Variants in R3HDM1 observed in about 807,000 individuals in gnomAD.
The protein encoded by R3HDM1 is R3H domain containing 1.
A neutral mutation model predicts 141.1 loss-of-function variants in R3HDM1; 46 were observed. That is an observed-to-expected ratio of 0.33 (90% confidence interval 0.26 to 0.42). The LOEUF is 0.42. R3HDM1 is among the 10% of genes least tolerant of loss of function. R3HDM1 has a pLI of 1.00. For missense variants in R3HDM1, 1,184 were observed against 1,368.3 expected (o/e 0.87, Z 2.12); for synonymous variants, 435 against 472.9 (o/e 0.92, Z 1.04).
At chr2:135,600,606 A>G (rs1330085442) in intron 1 of R3HDM1, among the ~76,000 whole-genome samples, 3 of 152,228 alleles carry the variant, frequency 2.0e-5, no homozygotes, top group Non-Finnish European at 4.4e-5. Context: ...TAACTGGCAG[A>G]GCTGGGATTT....
Position 135,661,256 on chromosome 2 carries a change from A to G in R3HDM1, c.2029-14A>G, listed in dbSNP as rs780949773. ...AGTAAAATTGATTTTTTCCCGCAATATTTATGATCCTAGATGCCAGCCTGT... is the reference window on the plus strand; with the variant it reads ...AGTAAAATTGATTTTTTCCCGCAATGTTTATGATCCTAGATGCCAGCCTGT... On this transcript the variant is annotated splice_polypyrimidine_tract_variant and intron_variant, in intron 18 of 26. Coordinates refer to ENST00000683871, the MANE Select transcript of R3HDM1 (RefSeq NM_001378107.1). The G allele has an allele frequency of 1.9e-6, 3 of 1,613,600 alleles. No individual in the cohort carries two copies. The highest frequency in any genetic ancestry group is 2.2e-5 in the South Asian group (2 of 90,954).
intron 23 of R3HDM1, among the ~76,000 whole-genome samples, chr2:135,714,265 G>A (rs2075954037): frequency 6.6e-6 from 1 of 152,162 alleles, no homozygotes; most frequent in Middle Eastern, 3.2e-3. Flanking sequence ...CATTGAGAAG[G>A]ACACATTACT....
intron 18 of R3HDM1, among the ~76,000 whole-genome samples, chr2:135,660,017 G>A (rs2066486904): frequency 2.0e-5 from 3 of 152,128 alleles, no homozygotes; most frequent in Non-Finnish European, 4.4e-5. Flanking sequence ...GACTGTATGA[G>A]AAAAATTAAA....
intron 1 of R3HDM1, among the ~76,000 whole-genome samples, chr2:135,601,964 C>CTT (rs755867675): frequency 7.4e-5 from 8 of 108,004 alleles, no homozygotes; most frequent in South Asian, 3.3e-4. Context: ...ACCCAGCCAA[C>CTT]TTTTTTTTTT....
At chr2:135,680,418 C>G (rs2070062713) in intron 21 of R3HDM1, 94 bp downstream of exon 21, 2 of 1,335,432 alleles carry the variant, frequency 1.5e-6, no homozygotes, top group Admixed American at 2.0e-5. Flanking sequence ...AGGGGCATTA[C>G]TTGAGAACAT....
At chr2:135,683,446 C>G (rs908638299) in intron 21 of R3HDM1, among the ~76,000 whole-genome samples, 1 of 150,586 alleles carries the variant, frequency 6.6e-6, no homozygotes, top group African/African-American at 2.4e-5. Context: ...CCCAGCTACT[C>G]GGGAGGCTGA....
intron 15 of R3HDM1, 80 bp downstream of exon 15, chr2:135,641,870 T>A: frequency 7.2e-7 from 1 of 1,389,290 alleles, no homozygotes; most frequent in Non-Finnish European, 9.6e-7. Context: ...TGAATATGTG[T>A]AGTCAGCTTT....
At chr2:135,533,605 G>A (rs1695404170) in intron 1 of R3HDM1, among the ~76,000 whole-genome samples, 1 of 152,228 alleles carries the variant, frequency 6.6e-6, no homozygotes, top group South Asian at 2.1e-4. Flanking sequence ...TAGTGGCCGG[G>A]CGCGTTGGCG....
intron 20 of R3HDM1, among the ~76,000 whole-genome samples, chr2:135,679,163 C>CT (rs2069777955): frequency 7.2e-6 from 1 of 139,422 alleles, no homozygotes; most frequent in South Asian, 2.4e-4. Flanking sequence ...TAATCCAACT[C>CT]TAATATTGAG....
intron 1 of R3HDM1, among the ~76,000 whole-genome samples, chr2:135,564,235 T>C (rs1259916630): frequency 6.6e-6 from 1 of 152,256 alleles, no homozygotes; most frequent in Non-Finnish European, 1.5e-5. Flanking sequence ...TTTCTTACCA[T>C]GTGTAATATT....
At chr2:135,557,670 C>T (rs1027893888) in intron 1 of R3HDM1, among the ~76,000 whole-genome samples, 1 of 152,178 alleles carries the variant, frequency 6.6e-6, no homozygotes. Context: ...ATGGCATATT[C>T]TGAATGACCC....
intron 21 of R3HDM1, among the ~76,000 whole-genome samples, chr2:135,690,027 T>C (rs1365403464): frequency 6.6e-6 from 1 of 152,200 alleles, no homozygotes; most frequent in African/African-American, 2.4e-5. Flanking sequence ...TATAGCCTTT[T>C]TTTAAGAACC....
chr2:135,641,937 G>A, intron 15 of R3HDM1, 147 bp downstream of exon 15: 2 of 1,073,224 alleles, frequency 1.9e-6, no homozygotes, highest in East Asian at 2.7e-5. Flanking sequence ...AACACTTAAT[G>A]CTAGGGAAGT....
chr2:135,583,635 C>A (rs1467251911), intron 1 of R3HDM1: 3 of 692,978 alleles, frequency 4.3e-6, no homozygotes, highest in African/African-American at 2.0e-5. Flanking sequence ...TGTTAAATTT[C>A]TTTTAAAAAT....
chr2:135,704,469 C>T (rs899366145), intron 21 of R3HDM1, among the ~76,000 whole-genome samples: 3 of 126,574 alleles, frequency 2.4e-5, no homozygotes, highest in African/African-American at 8.0e-5. Flanking sequence ...TTACAAAATG[C>T]ATGCATGCTT....
At chr2:135,590,725 G>C in intron 1 of R3HDM1, 5 of 985,324 alleles carry the variant, frequency 5.1e-6, no homozygotes, top group Non-Finnish European at 6.0e-6. Flanking sequence ...ATGCCCAGCA[G>C]CAGCACCTTC....
In R3HDM1 at chr2:135,692,998, T is replaced by A. The variant is rs563339167; in HGVS notation, c.2459+12674T>A. On this transcript the variant is annotated intron_variant, in intron 21 of 26. Transcript: ENST00000683871. ...TTTACTTTAACATACCTACTAGATCTAAGGTCGGCAGACTTTTTCTGAAAC... is the reference window on the plus strand; with the variant it reads ...TTTACTTTAACATACCTACTAGATCAAAGGTCGGCAGACTTTTTCTGAAAC... 3.9e-5 allele frequency among the ~76,000 whole-genome samples: 6 copies of A among 152,334 alleles called. No individual in the cohort carries two copies. The East Asian group carries it at 1.2e-3, about 29-fold the overall frequency.
At chr2:135,600,114 T>G (rs886467747) in intron 1 of R3HDM1, among the ~76,000 whole-genome samples, 3 of 144,608 alleles carry the variant, frequency 2.1e-5, no homozygotes, top group African/African-American at 7.7e-5. Context: ...TTTTTTTTTT[T>G]TTTTTTTTTT....
chr2:135,650,455 A>G (rs1033009174), intron 17 of R3HDM1: 6 of 980,324 alleles, frequency 6.1e-6, no homozygotes, highest in Non-Finnish European at 7.3e-6. Flanking sequence ...TTCTAAGAAG[A>G]TTTCTGGATA....
Sources: allele counts gnomAD v4.1 joint callset (sites outside exome capture counted in the v4.1 genomes callset), GRCh38; gene constraint gnomAD v4.1.1; transcripts MANE v1.5; gene names NCBI Gene and HGNC (gene_info 2026-07-23, HGNC 2026-07-21).